Variants in ANTXR1 observed in about 807,000 individuals in gnomAD.
ANTXR1 encodes ANTXR cell adhesion molecule 1, also known as anthrax toxin receptor 1.
In ANTXR1, 19 loss-of-function variants were observed where a neutral mutation model predicts 78.1. The ratio of observed to expected loss-of-function variants is 0.24; its 90% CI spans 0.17 to 0.36. ANTXR1 has a LOEUF of 0.36. Among genes scored for constraint, ANTXR1 ranks in the 10% least tolerant of loss-of-function variants. The probability of loss-of-function intolerance (pLI) is 1.00; values close to 1 mark genes in which losing one functional copy is unlikely to be tolerated. For missense variants in ANTXR1, 518 were observed against 718.6 expected, an observed-to-expected ratio of 0.72 and a Z score of 3.19; for synonymous variants, 273 against 260.5, an observed-to-expected ratio of 1.05 and a Z score of -0.46.
chr2:69,170,208 CAG>C (rs1418291982), intron 13 of ANTXR1, 38 bp from the exon 14 acceptor site: 1 of 1,613,174 alleles, frequency 6.2e-7, no homozygotes, highest in Non-Finnish European at 8.5e-7. Context: ...GGCAGGTAGC[CAG>C]AGATTTTTCA....
intron 9 of ANTXR1, among the ~76,000 whole-genome samples, chr2:69,097,215 T>C (rs1460670633): frequency 6.6e-6 from 1 of 152,228 alleles, no homozygotes; most frequent in Non-Finnish European, 1.5e-5. Flanking sequence ...CACAATGTGC[T>C]ATGTAAGCAA....
intron 9 of ANTXR1, among the ~76,000 whole-genome samples, chr2:69,099,163 C>G (rs1164512427): frequency 6.6e-6 from 1 of 152,196 alleles, no homozygotes; most frequent in African/African-American, 2.4e-5. Flanking sequence ...CTTTCTGTCT[C>G]TGTAGATCTG....
chr2:69,106,511 C>T (rs910758878), intron 10 of ANTXR1, among the ~76,000 whole-genome samples: 1 of 152,202 alleles, frequency 6.6e-6, no homozygotes, highest in Admixed American at 6.5e-5. Context: ...GATCTCAGGT[C>T]TGTGCCAAGG....
intron 8 of ANTXR1, among the ~76,000 whole-genome samples, chr2:69,086,754 G>T (rs556526734): frequency 3.9e-5 from 6 of 152,244 alleles, no homozygotes; most frequent in Non-Finnish European, 8.8e-5. Context: ...TTGAATACAT[G>T]CCAGACATTC....
At chr2:69,034,071 G>A (rs987701088) in intron 1 of ANTXR1, among the ~76,000 whole-genome samples, 2 of 152,192 alleles carry the variant, frequency 1.3e-5, no homozygotes, top group African/African-American at 2.4e-5. Context: ...TAATCAGAGG[G>A]CAGTGTCAGG....
rs1216538479 is a variant in ANTXR1 at position 69,013,503 on chromosome 2, G to T, written c.4G>T (p.Ala2Ser). 1 of 1,589,346 alleles carries T rather than the reference G, an allele frequency of 6.3e-7. No homozygotes were observed. Among genetic ancestry groups the T allele is most frequent in the East Asian group, 2.3e-5 (1 of 44,036 alleles). The part of the protein sequence containing the change: M[A>S]TAERRALGIG... ...TGCTCTCCCCGGGCTGCGGGCCATGGCCACGGCGGAGCGGAGAGCCCTCGG... is the reference window on the plus strand; with the variant it reads ...TGCTCTCCCCGGGCTGCGGGCCATGTCCACGGCGGAGCGGAGAGCCCTCGG... Residue 2 changes from alanine (A) to serine (S), a missense_variant, in exon 1 of 18, where the codon GCC (alanine) becomes TCC (serine). Around this residue, in one of 5 missense-constraint regions of ANTXR1, gnomAD observed 55 missense variants for 52.5 expected, o/e 1.05. Transcript: ENST00000303714. This position sits in a 1 kb window ranked among gnomAD's most constrained non-coding sequence, Gnocchi z 5.0.
rs10627389 is a variant in ANTXR1 at position 69,193,442 on chromosome 2, G to GTCTCTCTC, written c.1434+38_1434+45dup. 4.8e-4 allele frequency: 584 copies of GTCTCTCTC among 1,228,668 alleles called. 4 individuals carry two copies. In the African/African-American group the frequency reaches 4.9e-3, roughly 10 times the overall value. The allele number at this position is 1,228,668 out of a possible 1,614,324, so 76.1% of individuals were successfully genotyped here. Reference sequence around the variant, plus strand: ...TAGGACTCGTTAATTCATTAATGGTGTCTCTCTCTCTCTCTCTCACATACA... The same window carrying GTCTCTCTC: ...TAGGACTCGTTAATTCATTAATGGTGTCTCTCTCTCTCTCTCTCTCTCTCTCACATACA... On this transcript the variant is annotated intron_variant, in intron 17 of 17. Coordinates refer to ENST00000303714, the MANE Select transcript of ANTXR1 (RefSeq NM_032208.3).
chr2:69,140,351 A>G (rs1253334699), intron 12 of ANTXR1, among the ~76,000 whole-genome samples: 2 of 152,240 alleles, frequency 1.3e-5, no homozygotes, highest in Non-Finnish European at 2.9e-5. Flanking sequence ...TGCTCCTTCA[A>G]CGGATTTGCT....
At chr2:69,079,948 C>G (rs1194024616) in intron 8 of ANTXR1, among the ~76,000 whole-genome samples, 3 of 152,188 alleles carry the variant, frequency 2.0e-5, no homozygotes, top group Non-Finnish European at 4.4e-5. Context: ...TCAACATGAG[C>G]CCAAATGTTT....
intron 16 of ANTXR1, among the ~76,000 whole-genome samples, chr2:69,186,787 G>T (rs529253846): frequency 6.6e-6 from 1 of 152,338 alleles, no homozygotes; most frequent in South Asian, 2.1e-4. Flanking sequence ...CCTATATAAT[G>T]TTGCCTCTTG....
chr2:69,218,281 C>T (rs939657417), intron 17 of ANTXR1, among the ~76,000 whole-genome samples: 33 of 152,130 alleles, frequency 2.2e-4, no homozygotes, highest in Admixed American at 1.2e-3. Context: ...AAGCCAATTT[C>T]TTTTAAAAGC....
intron 6 of ANTXR1, 79 bp from the exon 7 acceptor site, chr2:69,075,511 T>G (rs546303229): frequency 7.4e-7 from 1 of 1,359,868 alleles, no homozygotes; most frequent in African/African-American, 1.4e-5. Context: ...ACCTCATCAT[T>G]GAAGTTAGTC....
At chr2:69,241,075 T>C (rs1301434827) in intron 17 of ANTXR1, among the ~76,000 whole-genome samples, 3 of 152,212 alleles carry the variant, frequency 2.0e-5, no homozygotes, top group Admixed American at 2.0e-4. Context: ...CATTCATTCC[T>C]GTAAATGAGG....
At chr2:69,176,710 C>G (rs1674132184) in intron 14 of ANTXR1, among the ~76,000 whole-genome samples, 1 of 152,174 alleles carries the variant, frequency 6.6e-6, no homozygotes. Context: ...ATAAAAATCT[C>G]TTGTTGAGCT....
intron 3 of ANTXR1, among the ~76,000 whole-genome samples, chr2:69,047,312 T>C (rs546811146): frequency 6.6e-6 from 1 of 152,302 alleles, no homozygotes; most frequent in East Asian, 1.9e-4. Flanking sequence ...TGTTAAGATA[T>C]AGTAAAGAAA....
intron 14 of ANTXR1, among the ~76,000 whole-genome samples, chr2:69,179,413 G>GA (rs1674217536): frequency 6.6e-6 from 1 of 151,642 alleles, no homozygotes; most frequent in Admixed American, 6.6e-5. Context: ...TGGGTGCATT[G>GA]ATATGTGTCT....
chr2:69,237,016 G>A (rs1422605348), intron 17 of ANTXR1, among the ~76,000 whole-genome samples: 1 of 152,116 alleles, frequency 6.6e-6, no homozygotes, highest in African/African-American at 2.4e-5. Context: ...AAAGAACTGT[G>A]TAATCAGATG....
chr2:69,151,860 C>T (rs999524169), intron 12 of ANTXR1, among the ~76,000 whole-genome samples: 2 of 152,152 alleles, frequency 1.3e-5, no homozygotes, highest in Non-Finnish European at 2.9e-5. Context: ...TTCCAGGGGG[C>T]CAGATGAGCA....
intron 17 of ANTXR1, among the ~76,000 whole-genome samples, chr2:69,239,079 A>G (rs1675839013): frequency 6.6e-6 from 1 of 152,182 alleles, no homozygotes; most frequent in African/African-American, 2.4e-5. Flanking sequence ...TCTTACCACA[A>G]TAATAGAAAA....
Sources: allele counts gnomAD v4.1 joint callset (sites outside exome capture counted in the v4.1 genomes callset), GRCh38; gene constraint gnomAD v4.1.1; regional missense constraint gnomAD v4.1.1; non-coding constraint Gnocchi (gnomAD v3.1); transcripts MANE v1.5; gene names NCBI Gene and HGNC (gene_info 2026-07-23, HGNC 2026-07-21).